The following EPB41 variants were observed in gnomAD, a reference collection of about 807,000 sequenced individuals.
EPB41 encodes the protein erythrocyte membrane protein band 4.1, also known as protein 4.1.
EPB41 carries 65 observed loss-of-function variants against 108.0 expected under a neutral mutation model. The ratio of observed to expected loss-of-function variants is 0.60; its 90% CI spans 0.49 to 0.74. EPB41 has a LOEUF of 0.74. Among genes scored for constraint, EPB41 ranks in the 30% least tolerant of loss-of-function variants. The pLI, the probability that EPB41 is intolerant of heterozygous loss-of-function variation, is 0.00. For missense variants in EPB41, 875 were observed against 1,037.0 expected, an observed-to-expected ratio of 0.84 and a Z score of 2.15; for synonymous variants, 336 against 358.9, an observed-to-expected ratio of 0.94 and a Z score of 0.72.
rs1482186796 is a variant in EPB41 at position 28,993,313 on chromosome 1, A to C, written c.469-17A>C. 4.4e-6 allele frequency: 7 copies of C among 1,604,510 alleles called. No individual in the cohort carries two copies. Among genetic ancestry groups the C allele is most frequent in the Non-Finnish European group, 6.0e-6 (7 of 1,173,062 alleles). ...AAATGTGTTTATTACTGACTTGGCGATGTCATGGATATGTAGCCTGCTCAG... is the reference window on the plus strand; with the variant it reads ...AAATGTGTTTATTACTGACTTGGCGCTGTCATGGATATGTAGCCTGCTCAG... On this transcript the variant is annotated splice_polypyrimidine_tract_variant and intron_variant, in intron 2 of 20. Coordinates refer to ENST00000343067, the MANE Select transcript of EPB41 (RefSeq NM_001376013.1).
intron 3 of EPB41, among the ~76,000 whole-genome samples, chr1:28,995,877 AAG>A (rs2096160045): frequency 1.3e-5 from 2 of 152,236 alleles, no homozygotes; most frequent in South Asian, 4.1e-4. Flanking sequence ...GGGAGAAAAA[AAG>A]AAAATTATTT....
intron 8 of EPB41, among the ~76,000 whole-genome samples, chr1:29,031,056 G>A (rs1229567912): frequency 6.6e-6 from 1 of 152,050 alleles, no homozygotes; most frequent in African/African-American, 2.4e-5. Context: ...TGATCCGCCC[G>A]CCTCGGCCTC....
chr1:29,018,560 C>T lies in EPB41; in HGVS notation c.1124+118C>T, dbSNP rs550796910. 5.7e-6 allele frequency: 6 copies of T among 1,060,944 alleles called. No individual in the cohort carries two copies. In the African/African-American group the frequency reaches 6.2e-5, roughly 11 times the overall value. 65.7% of individuals were successfully genotyped at this position (1,060,944 alleles called of 1,614,324 possible). A position where few individuals can be genotyped will look rare whatever the true frequency, so the allele number is the denominator to read the frequency against. On this transcript the variant is annotated intron_variant, in intron 7 of 20. Transcript: ENST00000343067. This position sits in a 1 kb window ranked among gnomAD's most constrained non-coding sequence, Gnocchi z 4.4. Reference sequence around the variant, plus strand: ...ATGGTGCCATAGAAAGAGTCAGTTTCCTCCACTGTTTGACTTTGGGCAGGT... The same window carrying T: ...ATGGTGCCATAGAAAGAGTCAGTTTTCTCCACTGTTTGACTTTGGGCAGGT...
In EPB41 at chr1:29,047,253, C is replaced by CT. The variant is rs755248112; in HGVS notation, c.1637-5835dup. Among the ~76,000 whole-genome samples, 555 of 100,476 alleles carry CT rather than the reference C, an allele frequency of 5.5e-3. 20 individuals are homozygous for CT. The highest frequency in any genetic ancestry group is 0.044 in the East Asian group (130 of 2,930). 65.9% of individuals were successfully genotyped at this position (100,476 alleles called of 152,430 possible). A position where few individuals can be genotyped will look rare whatever the true frequency, so the allele number is the denominator to read the frequency against. ...TGTTTCTTTTTTCTTTCTTTCTTTC[C>CT]TTTTTTTTTTTTTTTTGGAGAGAGA... On this transcript the variant is annotated intron_variant, in intron 11 of 20. Coordinates refer to ENST00000343067, the MANE Select transcript of EPB41 (RefSeq NM_001376013.1).
Position 29,003,997 on chromosome 1 carries a change from A to G in EPB41, c.786+6678A>G, listed in dbSNP as rs1471550134. Among the ~76,000 whole-genome samples, 13 of 152,326 alleles carry G rather than the reference A, an allele frequency of 8.5e-5. No individual in the cohort carries two copies. The East Asian group carries it at 2.5e-3, about 29-fold the overall frequency. On this transcript the variant is annotated intron_variant, in intron 4 of 20. Transcript: ENST00000343067. ...AGGCTGGTCTTGAACTCCTGGCCTC[A>G]GGTGATCCAACTGCCTTGCCTCGCA...
chr1:28,999,805 A>G (rs930396173), intron 4 of EPB41, among the ~76,000 whole-genome samples: 10 of 151,248 alleles, frequency 6.6e-5, no homozygotes, highest in African/African-American at 9.7e-5. Context: ...TTTTTTTGAG[A>G]CAGAGTCTCA....
intron 1 of EPB41, among the ~76,000 whole-genome samples, chr1:28,938,562 T>C (rs887024895): frequency 6.6e-6 from 1 of 151,364 alleles, no homozygotes; most frequent in Non-Finnish European, 1.5e-5. Flanking sequence ...ACACAGTATC[T>C]GGCTGCGTCA....
intron 1 of EPB41, chr1:28,985,924 C>T (rs1355378644): frequency 6.6e-6 from 1 of 151,230 alleles, no homozygotes; most frequent in African/African-American, 2.4e-5. Context: ...TGGTGCGCTG[C>T]ACCCACTAAC....
chr1:29,051,287 C>T (rs1332651536), intron 11 of EPB41, among the ~76,000 whole-genome samples: 2 of 150,072 alleles, frequency 1.3e-5, no homozygotes, highest in African/African-American at 4.9e-5. Context: ...TTAGTAGAGA[C>T]GACGTTTCAC....
chr1:29,039,147 C>A, intron 10 of EPB41, 107 bp from the exon 11 acceptor site: 1 of 1,262,890 alleles, frequency 7.9e-7, no homozygotes, highest in Non-Finnish European at 1.1e-6. Flanking sequence ...ATATGGAAAC[C>A]CTGAGAATTG....
chr1:29,088,649 T>A (rs1280574577), intron 16 of EPB41, among the ~76,000 whole-genome samples: 1 of 152,212 alleles, frequency 6.6e-6, no homozygotes, highest in African/African-American at 2.4e-5. Context: ...TCATGGAGAC[T>A]TTATATTTTC....
intron 19 of EPB41, among the ~76,000 whole-genome samples, chr1:29,114,811 TAAC>T (rs992853295): frequency 3.9e-5 from 6 of 152,146 alleles, no homozygotes; most frequent in Non-Finnish European, 7.3e-5. Context: ...ATTATCTTAA[TAAC>T]AATATAGTTA....
chr1:28,997,638 T>C (rs1185430585), intron 4 of EPB41, among the ~76,000 whole-genome samples: 8 of 152,126 alleles, frequency 5.3e-5, no homozygotes, highest in Non-Finnish European at 1.2e-4. Context: ...GCAATTGGTA[T>C]TGTATCTAAT....
In EPB41 at chr1:29,030,820, T is replaced by A. The variant is rs533666983; in HGVS notation, c.1212+333T>A. 9.9e-5 allele frequency among the ~76,000 whole-genome samples: 15 copies of A among 151,998 alleles called. No homozygotes were observed. In the South Asian group the frequency reaches 3.1e-3, roughly 32 times the overall value. ...AAATAGTACTTCTTGTTAGCTTTTT[T>A]TTGTTTTGTTTTGTTTTTTTGAGAT... On this transcript the variant is annotated intron_variant, in intron 8 of 20. Transcript: ENST00000343067.
Position 29,018,296 on chromosome 1 carries a change from A to G in EPB41, c.978A>G (p.Ala326=). The G allele has an allele frequency of 1.9e-6, 3 of 1,614,110 alleles. No individual in the cohort carries two copies. Among genetic ancestry groups the G allele is most frequent in the Non-Finnish European group, 2.5e-6 (3 of 1,180,032 alleles). The change falls in exon 7 of 21, where the codon GCA becomes GCG. Residue 326 remains alanine, a synonymous_variant. Transcript: ENST00000343067. The surrounding 1 kb of genome is among the most constrained non-coding windows in gnomAD (Gnocchi z 4.4). ...GRLPCSFATL[A]LLGSYTIQSE... Reference sequence around the variant, plus strand: ...TGCCCTGTTCCTTTGCAACCTTAGCATTATTAGGTTCTTACACCATCCAGT... The same window carrying G: ...TGCCCTGTTCCTTTGCAACCTTAGCGTTATTAGGTTCTTACACCATCCAGT...
intron 7 of EPB41, among the ~76,000 whole-genome samples, chr1:29,022,448 C>G (rs917704517): frequency 6.6e-6 from 1 of 151,298 alleles, no homozygotes; most frequent in Non-Finnish European, 1.5e-5. Context: ...TTAGGCCAGG[C>G]GCAGTGGCTC....
At chr1:29,080,086 GATAAAGCAACATT>G (rs1208689267) in intron 16 of EPB41, among the ~76,000 whole-genome samples, 2 of 140,756 alleles carry the variant, frequency 1.4e-5, no homozygotes, top group Non-Finnish European at 3.1e-5. Flanking sequence ...GTCAGAATAA[GATAAAGCAACATT>G]ATTTATTTAT....
At chr1:28,902,254 C>T (rs2091389387) in intron 1 of EPB41, 1 of 985,408 alleles carries the variant, frequency 1.0e-6, no homozygotes, top group Admixed American at 6.1e-5. Context: ...CTTCTGATTG[C>T]TTCTGATATT....
intron 1 of EPB41, among the ~76,000 whole-genome samples, chr1:28,936,049 G>A (rs2094011001): frequency 6.6e-6 from 1 of 151,948 alleles, no homozygotes; most frequent in African/African-American, 2.4e-5. Flanking sequence ...TTCTTACGCT[G>A]TTCTAACCTT....
Sources: allele counts gnomAD v4.1 joint callset (sites outside exome capture counted in the v4.1 genomes callset), GRCh38; gene constraint gnomAD v4.1.1; non-coding constraint Gnocchi (gnomAD v3.1); transcripts MANE v1.5; gene names NCBI Gene and HGNC (gene_info 2026-07-23, HGNC 2026-07-21).